The following CLSTN2 variants were observed in gnomAD, a reference collection of about 807,000 sequenced individuals.
The protein encoded by CLSTN2 is calsyntenin 2.
A neutral mutation model predicts 101.2 loss-of-function variants in CLSTN2; 48 were observed. That is an observed-to-expected ratio of 0.47 (90% CI 0.38 to 0.60). CLSTN2 has a LOEUF of 0.60. Ranked by LOEUF, CLSTN2 falls within the 20% of genes least tolerant of loss-of-function variation. CLSTN2 has a pLI of 0.00. For missense variants in CLSTN2, 1,160 were observed against 1,238.2 expected, an observed-to-expected ratio of 0.94 and a Z score of 0.95; for synonymous variants, 481 against 463.6, an observed-to-expected ratio of 1.04 and a Z score of -0.48.
intron 2 of CLSTN2, among the ~76,000 whole-genome samples, chr3:140,223,807 C>A (rs906279118): frequency 2.0e-5 from 3 of 152,316 alleles, no homozygotes; most frequent in East Asian, 1.9e-4. Flanking sequence ...TGGCTGCTTT[C>A]TTCCAAATGC....
At chr3:140,129,235 A>C (rs891577115) in intron 1 of CLSTN2, among the ~76,000 whole-genome samples, 2 of 152,068 alleles carry the variant, frequency 1.3e-5, no homozygotes, top group Non-Finnish European at 2.9e-5. Flanking sequence ...TCGCACAGAG[A>C]GTTCTGATGT....
intron 12 of CLSTN2, among the ~76,000 whole-genome samples, chr3:140,559,152 C>A (rs1935861787): frequency 6.7e-6 from 1 of 149,902 alleles, no homozygotes; most frequent in Admixed American, 6.6e-5. Flanking sequence ...ATAGAATGAT[C>A]TCAACCATTT....
chr3:140,126,771 A>G (rs1254300412), intron 1 of CLSTN2, among the ~76,000 whole-genome samples: 4 of 152,078 alleles, frequency 2.6e-5, no homozygotes, highest in Non-Finnish European at 5.9e-5. Flanking sequence ...ATTCATTTAA[A>G]TGTTCACTGA....
chr3:140,318,325 G>A (rs973861675), intron 2 of CLSTN2, among the ~76,000 whole-genome samples: 1 of 152,182 alleles, frequency 6.6e-6, no homozygotes, highest in South Asian at 2.1e-4. Context: ...AATATAAGTA[G>A]TGAGATGAAT....
At chr3:140,204,792 C>A (rs1457130195) in intron 2 of CLSTN2, among the ~76,000 whole-genome samples, 1 of 152,160 alleles carries the variant, frequency 6.6e-6, no homozygotes, top group East Asian at 1.9e-4. Flanking sequence ...GGGTCTTATT[C>A]CCCTGGTTAC....
intron 1 of CLSTN2, among the ~76,000 whole-genome samples, chr3:140,124,572 C>G (rs982466232): frequency 1.3e-5 from 2 of 152,022 alleles, no homozygotes; most frequent in African/African-American, 4.8e-5. Context: ...AAGATAAGTC[C>G]CCTGTATTTG....
At chr3:140,314,957 G>T (rs962897825) in intron 2 of CLSTN2, among the ~76,000 whole-genome samples, 2 of 152,196 alleles carry the variant, frequency 1.3e-5, no homozygotes, top group African/African-American at 2.4e-5. Flanking sequence ...AAGCACCAGA[G>T]AAATATCCTT....
chr3:140,122,224 C>A (rs912112783), intron 1 of CLSTN2, among the ~76,000 whole-genome samples: 1 of 152,158 alleles, frequency 6.6e-6, no homozygotes, highest in Non-Finnish European at 1.5e-5. Context: ...TTTTTGCAGC[C>A]AGAAGACACC....
intron 5 of CLSTN2, among the ~76,000 whole-genome samples, chr3:140,437,083 C>T (rs1421846002): frequency 6.9e-6 from 1 of 145,438 alleles, no homozygotes; most frequent in Non-Finnish European, 1.5e-5. Context: ...GAGTCTTGCT[C>T]TGTCGCCCAG....
Position 140,570,810 on chromosome 3 carries a change from C to T in CLSTN2, c.*4557C>T, listed in dbSNP as rs961002104. 2.6e-5 allele frequency: 4 copies of T among 152,186 alleles called. No individual in the cohort carries two copies. The highest frequency in any genetic ancestry group is 9.6e-5 in the African/African-American group (4 of 41,458). 9.4% of individuals were successfully genotyped at this position (152,186 alleles called of 1,614,324 possible). A position where few individuals can be genotyped will look rare whatever the true frequency, so the allele number is the denominator to read the frequency against. ...GGCCCAAGGCCAAAGTTTGGCAACC[C>T]GTACCATACACCATGGAAGTTAGCC... is the stretch of plus-strand genomic sequence containing the variant. On this transcript the variant is annotated 3_prime_UTR_variant, in exon 17 of 17. Coordinates refer to ENST00000458420, the MANE Select transcript of CLSTN2 (RefSeq NM_022131.3).
chr3:140,245,457 T>C (rs1350595080), intron 2 of CLSTN2, among the ~76,000 whole-genome samples: 2 of 151,938 alleles, frequency 1.3e-5, no homozygotes, highest in Non-Finnish European at 2.9e-5. Context: ...TGTGGACAAA[T>C]GGAACAGATA....
intron 1 of CLSTN2, among the ~76,000 whole-genome samples, chr3:140,153,916 A>G (rs1486747643): frequency 6.6e-6 from 1 of 152,176 alleles, no homozygotes; most frequent in Non-Finnish European, 1.5e-5. Context: ...GATCTCACTG[A>G]CAGCCATGAT....
At chr3:140,430,291 A>C (rs540577897) in intron 5 of CLSTN2, among the ~76,000 whole-genome samples, 2 of 152,300 alleles carry the variant, frequency 1.3e-5, no homozygotes, top group Non-Finnish European at 2.9e-5. Flanking sequence ...TACCTCCTGC[A>C]GGAGTCAGGT....
intron 1 of CLSTN2, among the ~76,000 whole-genome samples, chr3:140,078,814 G>A (rs2008538449): frequency 6.6e-6 from 1 of 152,102 alleles, no homozygotes; most frequent in Non-Finnish European, 1.5e-5. Flanking sequence ...TTTATTTTAA[G>A]TTTATGAGTT....
At chr3:140,067,255 T>C (rs1188192270) in intron 1 of CLSTN2, among the ~76,000 whole-genome samples, 1 of 152,116 alleles carries the variant, frequency 6.6e-6, no homozygotes, top group Non-Finnish European at 1.5e-5. Context: ...CTGAACAGCA[T>C]TTGGTTTCTT....
chr3:140,438,431 TAA>T (rs60186664), intron 5 of CLSTN2, among the ~76,000 whole-genome samples: 31 of 45,666 alleles, frequency 6.8e-4, no homozygotes, highest in Admixed American at 3.5e-3. Context: ...GTCCTTTCAT[TAA>T]AAAAAAAAAA....
intron 2 of CLSTN2, among the ~76,000 whole-genome samples, chr3:140,251,332 C>T (rs2086561614): frequency 1.3e-5 from 2 of 152,128 alleles, no homozygotes; most frequent in Admixed American, 1.3e-4. Context: ...CCTTCTATTA[C>T]AAAAGTGCTA....
chr3:140,219,063 C>T (rs1014187771), intron 2 of CLSTN2, among the ~76,000 whole-genome samples: 2 of 152,024 alleles, frequency 1.3e-5, no homozygotes, highest in Non-Finnish European at 2.9e-5. Context: ...TCAACTCCAT[C>T]CACGCCCTGG....
At chr3:140,242,151 A>T (rs902394387) in intron 2 of CLSTN2, among the ~76,000 whole-genome samples, 132 of 152,182 alleles carry the variant, frequency 8.7e-4, no homozygotes, top group African/African-American at 3.1e-3. Flanking sequence ...ACCTCAGGTA[A>T]TCTGCCCACC....
Sources: gnomAD v4.1 joint callset for allele counts (sites outside exome capture counted in the v4.1 genomes callset) on GRCh38, gnomAD v4.1.1 for gene constraint, MANE v1.5 for transcripts, NCBI Gene and HGNC (gene_info 2026-07-23, HGNC 2026-07-21) for gene names.